SLC22A2: variants seen among roughly 807,000 people sequenced by gnomAD.
The protein encoded by SLC22A2 is organic cation transporter 2.
In SLC22A2, 46 loss-of-function variants were observed where a neutral mutation model predicts 60.5. The observed-to-expected ratio is 0.76, with a 90% CI of 0.60 to 0.97. SLC22A2 has a LOEUF of 0.97. SLC22A2 is among the 50% of genes least tolerant of loss of function. The probability of loss-of-function intolerance (pLI) is 0.00; values close to 1 mark genes in which losing one functional copy is unlikely to be tolerated. For synonymous variants in SLC22A2, 303 were observed against 267.0 expected (o/e 1.13, Z -1.31); for missense variants, 701 against 706.6 (o/e 0.99, Z 0.09).
intron 10 of SLC22A2, chr6:160,217,783 G>C: frequency 3.9e-6 from 1 of 256,822 alleles, no homozygotes; most frequent in East Asian, 8.1e-5. Context: ...AGAGAATGTG[G>C]GTAAAGTCTA....
chr6:160,242,311 C>T lies in SLC22A2; in HGVS notation c.1371G>A (p.Leu457=), dbSNP rs927861973. 8.8e-6 allele frequency: 14 copies of T among 1,585,868 alleles called. No individual in the cohort carries two copies. The highest frequency in any genetic ancestry group is 1.1e-5 in the Non-Finnish European group (13 of 1,154,210). The change falls in exon 8 of 11, where the codon CTG becomes CTA. Residue 457 remains leucine (L), a synonymous_variant. Transcript: ENST00000366953. ...YEIVCLVNAE[L]YPTFIRNLGV... ...GCACTCACCTAATGAATGTGGGGTACAGCTCAGCATTGACCAGGCAGACTA... is the reference window on the plus strand; with the variant it reads ...GCACTCACCTAATGAATGTGGGGTATAGCTCAGCATTGACCAGGCAGACTA...
chr6:160,243,981 C>G (rs1380662058), intron 6 of SLC22A2, among the ~76,000 whole-genome samples, 195 bp from the exon 7 acceptor site: 3 of 152,084 alleles, frequency 2.0e-5, no homozygotes, highest in African/African-American at 7.2e-5. Context: ...TTTCCAAAAA[C>G]CAGGAGAAGG....
intron 5 of SLC22A2, among the ~76,000 whole-genome samples, chr6:160,245,836 T>C (rs1319282817): frequency 6.6e-6 from 1 of 151,076 alleles, no homozygotes; most frequent in African/African-American, 2.4e-5. Flanking sequence ...TAGCTGGGAT[T>C]ACAGGCATGC....
chr6:160,218,855 A>G (rs866850709), intron 10 of SLC22A2, among the ~76,000 whole-genome samples: 1,056 of 18,630 alleles, frequency 0.057, 12 homozygotes, highest in African/African-American at 0.13. Context: ...AACAGCAGCA[A>G]CAATAGCCAC....
In SLC22A2 at chr6:160,225,555, C is replaced by A. The variant is rs143769606; in HGVS notation, c.1502-751G>T. Reference sequence around the variant, plus strand: ...GGGCACAGATCCCAAGCTCTGAGGGCCTGGGCTCCAACTCTGGCCCCTTAC... The same window carrying A: ...GGGCACAGATCCCAAGCTCTGAGGGACTGGGCTCCAACTCTGGCCCCTTAC... On this transcript the variant is annotated intron_variant, in intron 9 of 10. Coordinates refer to ENST00000366953, the MANE Select transcript of SLC22A2 (RefSeq NM_003058.4). Among the ~76,000 whole-genome samples the A allele has an allele frequency of 4.3e-3, 661 of 152,246 alleles. 6 individuals are homozygous for A. Among genetic ancestry groups the A allele is most frequent in the African/African-American group, 0.015 (634 of 41,548 alleles).
chr6:160,246,478 G>T (rs1783096400), intron 5 of SLC22A2, among the ~76,000 whole-genome samples: 1 of 152,146 alleles, frequency 6.6e-6, no homozygotes, highest in Non-Finnish European at 1.5e-5. Flanking sequence ...CTGGTGCGGT[G>T]GCTCATGCCT....
chr6:160,219,943 C>A (rs1366938923), intron 10 of SLC22A2, among the ~76,000 whole-genome samples: 1 of 152,148 alleles, frequency 6.6e-6, no homozygotes, highest in African/African-American at 2.4e-5. Context: ...AGGCTCTTGC[C>A]TCTATGTTGA....
At chr6:160,229,016 CTGTTTGG>C (rs1335719833) in intron 9 of SLC22A2, among the ~76,000 whole-genome samples, 2 of 151,944 alleles carry the variant, frequency 1.3e-5, no homozygotes, top group African/African-American at 2.4e-5. Flanking sequence ...CACACAAAGC[CTGTTTGG>C]TGGTCTCTTC....
Position 160,217,325 on chromosome 6 carries a change from G to T in SLC22A2, c.*107C>A, listed in dbSNP as rs8177524. The T allele has an allele frequency of 0.019, 12,814 of 667,662 alleles. 232 individuals carry two copies. The highest frequency in any genetic ancestry group is 0.024 in the Middle Eastern group (95 of 4,038). 41.4% of individuals were successfully genotyped at this position (667,662 alleles called of 1,614,324 possible). ...TAGACCTAGGTTGATAGGGCTCAGG[G>T]GTAAGTTTGGTTGAGTTGTATGGGC... On this transcript the variant is annotated 3_prime_UTR_variant, in exon 11 of 11. Coordinates refer to ENST00000366953, the MANE Select transcript of SLC22A2 (RefSeq NM_003058.4).
intron 1 of SLC22A2, among the ~76,000 whole-genome samples, chr6:160,257,255 T>G (rs548859160): frequency 6.6e-6 from 1 of 152,018 alleles, no homozygotes; most frequent in African/African-American, 2.4e-5. Flanking sequence ...CACCAGGAGG[T>G]TGGGCCATTT....
chr6:160,258,644 C>T lies in SLC22A2; in HGVS notation c.114G>A (p.Val38=). Residue 38 remains valine, a synonymous_variant, in exon 1 of 11, where the codon GTG becomes GTA. Transcript: ENST00000366953. ...GGGTGAAGCCCAGGAAGACGATGCC[C>T]ACGTAGATGGGCGCGAAGGTAGCCG... is the stretch of plus-strand genomic sequence containing the variant. ...LLSATFAPIY[V]GIVFLGFTPD... The T allele has an allele frequency of 6.2e-7, 1 of 1,613,866 alleles. No homozygotes were observed. Among genetic ancestry groups the T allele is most frequent in the East Asian group, 2.2e-5 (1 of 44,870 alleles).
chr6:160,223,760 C>T (rs1209136647), intron 10 of SLC22A2, among the ~76,000 whole-genome samples: 2 of 152,038 alleles, frequency 1.3e-5, no homozygotes, highest in Non-Finnish European at 2.9e-5. Context: ...AAGAGTATTG[C>T]TTTGTCGCCC....
chr6:160,247,104 G>T, intron 5 of SLC22A2, 80 bp downstream of exon 5: 1 of 846,968 alleles, frequency 1.2e-6, no homozygotes, highest in Non-Finnish European at 2.0e-6. Flanking sequence ...GTTCCCTGCT[G>T]AGATCACTGG....
intron 9 of SLC22A2, among the ~76,000 whole-genome samples, chr6:160,236,438 C>T (rs942428101): frequency 3.3e-5 from 5 of 152,146 alleles, no homozygotes; most frequent in Non-Finnish European, 7.4e-5. Context: ...CAAGTATATT[C>T]CTGTGAAAAA....
At position 160,217,415 on chromosome 6, in the gene SLC22A2, A is replaced by C; in HGVS notation, c.*17T>G. 1.3e-6 allele frequency: 2 copies of C among 1,551,836 alleles called. No individual in the cohort carries two copies. The highest frequency in any genetic ancestry group is 1.8e-6 in the Non-Finnish European group (2 of 1,125,448). On this transcript the variant is annotated 3_prime_UTR_variant, in exon 11 of 11. Coordinates refer to ENST00000366953, the MANE Select transcript of SLC22A2 (RefSeq NM_003058.4). ...GCCATCAAAGCTAGGTCATGACAGC[A>C]GCAACGGTCTCTCTTCTTAGTTCAA... is the stretch of plus-strand genomic sequence containing the variant.
intron 9 of SLC22A2, among the ~76,000 whole-genome samples, chr6:160,239,517 A>T (rs1166296104): frequency 6.6e-6 from 1 of 152,206 alleles, no homozygotes; most frequent in Non-Finnish European, 1.5e-5. Flanking sequence ...TCTTTCCAGT[A>T]ACGAAGTAAC....
chr6:160,228,685 TC>T (rs1782767394), intron 9 of SLC22A2, among the ~76,000 whole-genome samples: 1 of 152,132 alleles, frequency 6.6e-6, no homozygotes, highest in East Asian at 1.9e-4. Flanking sequence ...AGCCATCATA[TC>T]CCCTGTGGCC....
At chr6:160,227,251 C>T (rs1026624880) in intron 9 of SLC22A2, among the ~76,000 whole-genome samples, 1 of 152,178 alleles carries the variant, frequency 6.6e-6, no homozygotes, top group Admixed American at 6.5e-5. Flanking sequence ...AAGGGTACCA[C>T]CTATGAGACT....
At chr6:160,230,434 G>A (rs1417377142) in intron 9 of SLC22A2, among the ~76,000 whole-genome samples, 1 of 151,862 alleles carries the variant, frequency 6.6e-6, no homozygotes. Context: ...CAGCAACCCT[G>A]AGACTGTTTA....
Sources: gnomAD v4.1 joint callset for allele counts (sites outside exome capture counted in the v4.1 genomes callset) on GRCh38, gnomAD v4.1.1 for gene constraint, MANE v1.5 for transcripts, NCBI Gene and HGNC (gene_info 2026-07-23, HGNC 2026-07-21) for gene names.